Variants in NBPF9 observed in about 807,000 individuals in gnomAD.
The protein encoded by NBPF9 is NBPF member 9.
Under a neutral mutation model 97.8 loss-of-function variants are expected in NBPF9, and 91 were observed. That is an observed-to-expected ratio of 0.93 (90% CI 0.79 to 1.11). NBPF9 has a LOEUF of 1.11. Among genes scored for constraint, NBPF9 ranks in the 50% least tolerant of loss-of-function variants. The probability of loss-of-function intolerance (pLI) is 0.00; values close to 1 mark genes in which losing one functional copy is unlikely to be tolerated. For synonymous variants in NBPF9, 334 were observed against 359.5 expected (o/e 0.93, Z 0.80); for missense variants, 992 against 939.5 (o/e 1.06, Z -0.73).
At chr1:149,102,750 G>C (rs1470526017) in exon 2 of NBPF9, 1 of 151,858 alleles carries the variant, frequency 6.6e-6, no homozygotes, top group Non-Finnish European at 1.5e-5. Flanking sequence ...CGGTGAATTA[G>C]AGGCCTGCCC....
intron 5 of NBPF9, among the ~76,000 whole-genome samples, chr1:149,084,694 G>A (rs587667033): frequency 4.0e-5 from 6 of 151,428 alleles, no homozygotes; most frequent in Non-Finnish European, 5.9e-5. Context: ...CATCTGGGCC[G>A]CCGTCCCAGG....
chr1:149,062,063 G>A (rs781877566), intron 22 of NBPF9, 30 bp downstream of exon 22: 1 of 898,538 alleles, frequency 1.1e-6, no homozygotes. Flanking sequence ...ACCAGGTGGA[G>A]GCTTATCACC....
rs2078444936 is a variant in NBPF9 at position 149,059,300 on chromosome 1, A to C, written c.2586-203T>G. ...GAAAGAGAAAGACAGGGAGAGACAGAGACAGAGACAGAGAGAAAGTGACCT... is the reference window on the plus strand; with the variant it reads ...GAAAGAGAAAGACAGGGAGAGACAGCGACAGAGACAGAGAGAAAGTGACCT... On this transcript the variant is annotated intron_variant, in intron 25 of 29. Transcript: ENST00000584027. The C allele has an allele frequency of 4.1e-6, 2 of 484,928 alleles. 1 individual carries two copies. The highest frequency in any genetic ancestry group is 7.6e-6 in the Non-Finnish European group (2 of 261,598). The allele number at this position is 484,928 out of a possible 1,614,324, so 30.0% of individuals were successfully genotyped here.
chr1:149,099,705 C>A (rs1262197216), intron 3 of NBPF9, among the ~76,000 whole-genome samples: 1 of 152,064 alleles, frequency 6.6e-6, no homozygotes, highest in Admixed American at 6.6e-5. Flanking sequence ...ACTAAAATGG[C>A]CAGCGGTGAT....
chr1:149,059,762 T>A, exon 25 of NBPF9: 1 of 579,682 alleles, frequency 1.7e-6, no homozygotes, highest in Admixed American at 2.5e-5. Flanking sequence ...TTTTCTTCTT[T>A]GATCTTCTTC....
chr1:149,055,619 C>T (rs782479587), exon 30 of NBPF9: 1 of 1,611,522 alleles, frequency 6.2e-7, no homozygotes, highest in Non-Finnish European at 8.5e-7. Flanking sequence ...TAGGTCCTGC[C>T]TGCAGGAATG....
chr1:149,061,310 C>G (rs1202295359), intron 23 of NBPF9, 22 bp downstream of exon 23: 1 of 410,758 alleles, frequency 2.4e-6, no homozygotes, highest in Admixed American at 3.7e-5. Context: ...ACAGAAGTAG[C>G]TGTTCACAAT....
chr1:149,083,030 C>T (rs1439715614), intron 5 of NBPF9, among the ~76,000 whole-genome samples: 1 of 132,326 alleles, frequency 7.6e-6, no homozygotes, highest in Non-Finnish European at 1.5e-5. Flanking sequence ...ACGATGGTCT[C>T]GATCTCCTGA....
At chr1:149,093,963 T>TG (rs1430352768) in intron 4 of NBPF9, among the ~76,000 whole-genome samples, 5 of 136,994 alleles carry the variant, frequency 3.6e-5, no homozygotes, top group Non-Finnish European at 7.8e-5. Flanking sequence ...GAAGAAACCC[T>TG]GTCTCTACCA....
intron 23 of NBPF9, 135 bp from the exon 24 acceptor site, chr1:149,060,830 A>C (rs2152868491): frequency 2.5e-6 from 1 of 407,454 alleles, no homozygotes; most frequent in Non-Finnish European, 4.2e-6. Context: ...GTAACAAATT[A>C]TTGCCTTCAT....
chr1:149,103,276 G>A (rs1379639041), intron 1 of NBPF9, 25 bp downstream of exon 1: 5 of 145,952 alleles, frequency 3.4e-5, no homozygotes, highest in Non-Finnish European at 7.5e-5. Context: ...CTCACCGCCC[G>A]CCCGGCCTGG....
intron 7 of NBPF9, among the ~76,000 whole-genome samples, chr1:149,081,126 G>C (rs1221359927): frequency 4.0e-5 from 6 of 151,286 alleles, no homozygotes; most frequent in Non-Finnish European, 8.8e-5. Context: ...TTATCTTTTT[G>C]TTTGTTTGTT....
intron 8 of NBPF9, among the ~76,000 whole-genome samples, chr1:149,079,539 C>T (rs184211488): frequency 6.7e-6 from 1 of 149,034 alleles, no homozygotes; most frequent in African/African-American, 2.5e-5. Context: ...TGGACATTTC[C>T]ATGTGAAAAT....
At chr1:149,074,550 G>A (rs2079688324) in intron 12 of NBPF9, among the ~76,000 whole-genome samples, 1 of 151,390 alleles carries the variant, frequency 6.6e-6, no homozygotes, top group African/African-American at 2.4e-5. Context: ...GTAATTCACT[G>A]CAGCAATTTA....
chr1:149,073,064 A>G, intron 13 of NBPF9, 132 bp from the exon 14 acceptor site: 1 of 790,570 alleles, frequency 1.3e-6, no homozygotes, highest in South Asian at 1.5e-5. Context: ...TGTTTAAAGG[A>G]ATGTCTGTGG....
intron 5 of NBPF9, among the ~76,000 whole-genome samples, chr1:149,087,235 A>AAT (rs146764486): frequency 8.4e-4 from 125 of 148,956 alleles, no homozygotes; most frequent in South Asian, 4.5e-3. Context: ...ATCAGACTGC[A>AAT]ATATATATAT....
intron 5 of NBPF9, 51 bp downstream of exon 5, chr1:149,090,702 A>G: frequency 1.8e-6 from 1 of 547,360 alleles, no homozygotes; most frequent in Non-Finnish European, 3.3e-6. Context: ...TCTGCCCTGG[A>G]AAAACTACTG....
intron 10 of NBPF9, 131 bp downstream of exon 10, chr1:149,077,752 G>C: frequency 5.7e-6 from 7 of 1,229,638 alleles, no homozygotes; most frequent in Non-Finnish European, 7.2e-6. Context: ...TGTCTAAGCT[G>C]GGTTCAATTT....
chr1:149,099,066 TAAA>T (rs2081974796), intron 3 of NBPF9, among the ~76,000 whole-genome samples: 1 of 149,218 alleles, frequency 6.7e-6, no homozygotes, highest in African/African-American at 2.5e-5. Context: ...GAAAAAAAAA[TAAA>T]GAGTCCTGAC....
Sources: allele counts gnomAD v4.1 joint callset (sites outside exome capture counted in the v4.1 genomes callset), GRCh38; gene constraint gnomAD v4.1.1; transcripts MANE v1.5; gene names NCBI Gene and HGNC (gene_info 2026-07-23, HGNC 2026-07-21).